Variants in CATSPERG observed in about 807,000 individuals in gnomAD.
CATSPERG encodes the protein catsper channel auxiliary subunit gamma.
CATSPERG carries 115 observed loss-of-function variants against 145.0 expected under a neutral mutation model. The observed-to-expected ratio is 0.79, with a 90% CI of 0.68 to 0.93. The LOEUF (loss-of-function observed/expected upper bound fraction) is 0.93. Ranked by LOEUF, CATSPERG falls within the 40% of genes least tolerant of loss-of-function variation. The probability of loss-of-function intolerance (pLI) is 0.00; values close to 1 mark genes in which losing one functional copy is unlikely to be tolerated. For synonymous variants in CATSPERG, 588 were observed against 589.0 expected (o/e 1.00, Z 0.02); for missense variants, 1,296 against 1,490.1 (o/e 0.87, Z 2.14).
At chr19:38,346,304 G>A in intron 6 of CATSPERG, 146 bp from the exon 7 acceptor site, 2 of 663,376 alleles carry the variant, frequency 3.0e-6, no homozygotes, top group Non-Finnish European at 4.7e-6. Context: ...GACCGAGGGG[G>A]AGAATGGTAA....
rs762702134 is a variant in CATSPERG at position 38,361,769 on chromosome 19, C to G, written c.2002C>G (p.Leu668Val). ...CTACCGGGCGCGGCCGCCGCGCGTC[C>G]TGGAGCGCTCGGGCTTCCACAACGA... ...ERYRARPPRVLERSGFHNENS... is the reference protein window; with the variant it reads ...ERYRARPPRVVERSGFHNENS... The change falls in exon 17 of 29, where the codon CTG (leucine) becomes GTG (valine). Residue 668 changes from leucine (L) to valine (V), a missense_variant. Transcript: ENST00000409235. 1 of 1,613,218 alleles carries G rather than the reference C, an allele frequency of 6.2e-7. No homozygotes were observed. The highest frequency in any genetic ancestry group is 8.5e-7 in the Non-Finnish European group (1 of 1,179,652).
intron 3 of CATSPERG, among the ~76,000 whole-genome samples, chr19:38,341,637 C>T (rs1969939763): frequency 6.6e-6 from 1 of 152,218 alleles, no homozygotes; most frequent in South Asian, 2.1e-4. Context: ...CATAGTGGCT[C>T]ATGCCTGTAA....
intron 3 of CATSPERG, 52 bp downstream of exon 3, chr19:38,337,698 C>A: frequency 4.3e-6 from 6 of 1,393,826 alleles, no homozygotes; most frequent in Non-Finnish European, 5.8e-6. Flanking sequence ...GGTTTTCCCA[C>A]CTCTAACATT....
intron 1 of CATSPERG, chr19:38,336,401 C>G (rs1159988709): frequency 5.7e-6 from 2 of 348,074 alleles, no homozygotes; most frequent in African/African-American, 4.3e-5. Flanking sequence ...CGCCGAGAAC[C>G]CGGGGAAGGA....
intron 3 of CATSPERG, among the ~76,000 whole-genome samples, chr19:38,341,241 TC>T (rs1239395792): frequency 6.6e-6 from 1 of 152,118 alleles, no homozygotes; most frequent in Non-Finnish European, 1.5e-5. Context: ...AGGGATTGGA[TC>T]TGATTCCAGG....
rs568606872 is a variant in CATSPERG, at chr19:38,352,289, CCTT to C, written c.857_859del (p.Phe286del). ...AGCATTGACAGTTGCTGGGTGGGCT[CCTT>C]CTACTGCCCCCATTCTGGCTTCACA... is the stretch of plus-strand genomic sequence containing the variant. On this transcript the variant is annotated inframe_deletion, in exon 8 of 29. Transcript: ENST00000409235. 20 of 1,551,596 alleles carry C rather than the reference CCTT, an allele frequency of 1.3e-5. No individual in the cohort carries two copies. In the African/African-American group the frequency reaches 2.6e-4, roughly 20 times the overall value.
chr19:38,359,542 G>T lies in CATSPERG; in HGVS notation c.1569G>T (p.Ser523=). 1 of 1,613,702 alleles carries T rather than the reference G, an allele frequency of 6.2e-7. No homozygotes were observed. The highest frequency in any genetic ancestry group is 8.5e-7 in the Non-Finnish European group (1 of 1,179,756). The change falls in exon 14 of 29, where the codon TCG becomes TCT. Residue 523 remains serine (S), a synonymous_variant. Transcript: ENST00000409235. ...TGTCCATCAAATACATGGCCAGATC[G>T]TTCCGTGGGGCTGTGGCTATTGTCA... ...KELSIKYMAR[S]FRGAVAIVTE...
rs761564355 is a variant in CATSPERG, at chr19:38,359,518, G to A, written c.1545G>A (p.Leu515=). ...ACCTGGCAGACTTCCCCAAGGAACT[G>A]TCCATCAAATACATGGCCAGATCGT... is the stretch of plus-strand genomic sequence containing the variant. ...FIYLADFPKE[L]SIKYMARSFR... Residue 515 remains leucine, a synonymous_variant, in exon 14 of 29, where the codon CTG becomes CTA. Coordinates refer to ENST00000409235, the MANE Select transcript of CATSPERG (RefSeq NM_021185.5). 35 of 1,613,786 alleles carry A rather than the reference G, an allele frequency of 2.2e-5. No individual in the cohort carries two copies. Among genetic ancestry groups the A allele is most frequent in the Non-Finnish European group, 2.8e-5 (33 of 1,179,860 alleles).
rs1278678422 is a variant in CATSPERG at position 38,367,507 on chromosome 19, A to G, written c.2771-2A>G. On this transcript the variant is annotated splice_acceptor_variant, in intron 23 of 28. Transcript: ENST00000409235. LOFTEE classifies it high-confidence loss of function. Reference sequence around the variant, plus strand: ...TGGTCTCAATCCCCTCCAACCCCATAGTTTTCTACCCCTTCTTCTTGATTC... The same window carrying G: ...TGGTCTCAATCCCCTCCAACCCCATGGTTTTCTACCCCTTCTTCTTGATTC... The G allele has an allele frequency of 1.5e-5, 25 of 1,613,632 alleles. No individual in the cohort carries two copies. The highest frequency in any genetic ancestry group is 2.0e-5 in the Non-Finnish European group (24 of 1,179,846).
chr19:38,346,425 C>CGTCCCTCCT (rs1258823720), intron 6 of CATSPERG, 25 bp from the exon 7 acceptor site: 4 of 1,510,322 alleles, frequency 2.6e-6, no homozygotes, highest in Non-Finnish European at 3.6e-6. Flanking sequence ...AGAGTGTTGG[C>CGTCCCTCCT]GTCCCTCCTG....
chr19:38,356,803 G>C lies in CATSPERG; in HGVS notation c.1257G>C (p.Leu419=). The C allele has an allele frequency of 6.2e-7, 1 of 1,614,154 alleles. No individual in the cohort carries two copies. The highest frequency in any genetic ancestry group is 8.5e-7 in the Non-Finnish European group (1 of 1,180,022). ...YIAGEYTLLL[L]VESGYGNASK... ...CGGGTGAGTATACTCTACTGCTGCTGGTGGAGAGTGGATATGGTAATGCAA... is the reference window on the plus strand; with the variant it reads ...CGGGTGAGTATACTCTACTGCTGCTCGTGGAGAGTGGATATGGTAATGCAA... Residue 419 remains leucine (L), a synonymous_variant, in exon 11 of 29, where the codon CTG becomes CTC. Transcript: ENST00000409235.
At position 38,354,834 on chromosome 19, in the gene CATSPERG, C is replaced by T. The variant is rs371896212; in HGVS notation, c.1122C>T (p.Phe374=). The T allele has an allele frequency of 1.8e-5, 29 of 1,613,966 alleles. No individual in the cohort carries two copies. Among genetic ancestry groups the T allele is most frequent in the East Asian group, 4.5e-5 (2 of 44,876 alleles). ...TTGKHEGYVH[F]GTIRDGQVSF... ...GCAAGCATGAGGGTTATGTACACTT[C>T]GGGACCATCAGAGGTAAGGGTGTGG... Residue 374 remains phenylalanine, a synonymous_variant, in exon 9 of 29, where the codon TTC becomes TTT. Transcript: ENST00000409235.
At chr19:38,336,614 A>ACC in intron 1 of CATSPERG, 1 of 219,532 alleles carries the variant, frequency 4.6e-6, no homozygotes, top group Non-Finnish European at 9.3e-6. Context: ...AGCGAGGAGA[A>ACC]AGCGGCGATA....
Position 38,367,729 on chromosome 19 carries a change from G to T in CATSPERG, c.2883G>T (p.Lys961Asn), listed in dbSNP as rs1360325936. 2 of 1,614,136 alleles carry T rather than the reference G, an allele frequency of 1.2e-6. No individual in the cohort carries two copies. The highest frequency in any genetic ancestry group is 3.3e-5 in the Admixed American group (2 of 60,010). ...VGGGPTLDSLKDYSEDEIYRF... is the reference protein window; with the variant it reads ...VGGGPTLDSLNDYSEDEIYRF... ...GCGGGCCCACACTGGACAGCCTCAA[G>T]GACTACAGTGAGGACGAAATCTACC... The change falls in exon 25 of 29, where the codon AAG becomes AAT. Residue 961 changes from lysine (K) to asparagine (N), a missense_variant. Physicochemically the swap from Lys to Asn is moderately conservative, Grantham distance 94. Transcript: ENST00000409235.
chr19:38,349,648 T>TTTGTTTGTTTG, intron 7 of CATSPERG: 1 of 149,856 alleles, frequency 6.7e-6, no homozygotes, highest in South Asian at 2.0e-4. Context: ...CATTGTTTTT[T>TTTGTTTGTTTG]TTTGTTTGTT....
At position 38,367,174 on chromosome 19, in the gene CATSPERG, G is replaced by A. The variant is rs777229822; in HGVS notation, c.2632G>A (p.Val878Met). 8.1e-6 allele frequency: 13 copies of A among 1,613,618 alleles called. No homozygotes were observed. Among genetic ancestry groups the A allele is most frequent in the Non-Finnish European group, 1.1e-5 (13 of 1,179,820 alleles). The change falls in exon 23 of 29, where the codon GTG (valine) becomes ATG (methionine). Residue 878 changes from valine to methionine, a missense_variant. Val to Met is a conservative substitution (Grantham distance 21). Coordinates refer to ENST00000409235, the MANE Select transcript of CATSPERG (RefSeq NM_021185.5). ...PHMQGNLMVP[V>M]FIGCPPGKRL... is the part of the protein sequence containing the mutation. The stretch of plus-strand genomic sequence containing the variant: ...CACCGAGGGCAACCTGATGGTGCCA[G>A]TGTTCATTGGCTGCCCCCCAGGCAA...
Position 38,362,446 on chromosome 19 carries a change from A to G in CATSPERG, c.2228A>G (p.Glu743Gly). 6.2e-7 allele frequency: 1 copy of G among 1,614,006 alleles called. No individual in the cohort carries two copies. The highest frequency in any genetic ancestry group is 8.5e-7 in the Non-Finnish European group (1 of 1,180,022). ...GTGTCCATAGAAATGGACAGCTACG[A>G]AAAGATCTACAACCTCGAGTCCGCG... ...GGVSIEMDSY[E>G]KIYNLESAYE... The change falls in exon 19 of 29, where the codon GAA becomes GGA. Residue 743 changes from glutamate (E) to glycine (G), a missense_variant. By Grantham distance (98) the Glu-to-Gly change is moderately conservative. Coordinates refer to ENST00000409235, the MANE Select transcript of CATSPERG (RefSeq NM_021185.5).
chr19:38,354,443 G>A (rs901131133), intron 8 of CATSPERG, among the ~76,000 whole-genome samples: 1 of 152,204 alleles, frequency 6.6e-6, no homozygotes, highest in South Asian at 2.1e-4. Context: ...TGATTTGGCC[G>A]GCTTGGTCAC....
chr19:38,359,669 C>A, intron 14 of CATSPERG, 88 bp downstream of exon 14: 1 of 1,503,060 alleles, frequency 6.7e-7, no homozygotes, highest in South Asian at 1.2e-5. Context: ...GTAAAGGAGC[C>A]AAGGGAAGGG....
Sources: allele counts gnomAD v4.1 joint callset (sites outside exome capture counted in the v4.1 genomes callset), GRCh38; gene constraint gnomAD v4.1.1; transcripts MANE v1.5; gene names NCBI Gene and HGNC (gene_info 2026-07-23, HGNC 2026-07-21).